Variants in KLK9 observed in about 807,000 individuals in gnomAD.
KLK9 encodes kallikrein related peptidase 9.
In KLK9, 26 loss-of-function variants were observed where a neutral mutation model predicts 23.3. That is an observed-to-expected ratio of 1.12 (90% CI 0.82 to 1.55). KLK9 has a LOEUF of 1.55. Among genes scored for constraint, KLK9 ranks in the 40% most tolerant of loss-of-function variants. KLK9 has a pLI of 0.00. For synonymous variants in KLK9, 122 were observed against 128.5 expected (o/e 0.95, Z 0.34); for missense variants, 346 against 333.7 (o/e 1.04, Z -0.29).
chr19:51,006,611 C>A lies in KLK9; in HGVS notation c.313G>T (p.Ala105Ser), dbSNP rs769326128. The change falls in exon 3 of 5, where the codon GCC becomes TCC. Residue 105 changes from alanine to serine, a missense_variant. Physicochemically the swap from Ala to Ser is moderately conservative, Grantham distance 99. Transcript: ENST00000594211. The surrounding 1 kb of genome is among the most constrained non-coding windows in gnomAD (Gnocchi z 4.1). ...ATGATGTCATCATTGTGGTCATTGG[C>A]GCTGAGGTCCTTGTTGAAGCCAGGG... ...PHPGFNKDLSANDHNDDIMLI... is the reference protein window; with the variant it reads ...PHPGFNKDLSSNDHNDDIMLI... 11 of 1,613,128 alleles carry A rather than the reference C, an allele frequency of 6.8e-6. No homozygotes were observed. In the African/African-American group the frequency reaches 1.3e-4, roughly 20 times the overall value.
rs906474166 is a variant in KLK9, at chr19:51,002,738, A to G, written c.*373T>C. 5.6e-6 allele frequency: 1 copy of G among 178,246 alleles called. No individual in the cohort carries two copies. Among genetic ancestry groups the G allele is most frequent in the African/African-American group, 2.3e-5 (1 of 42,554 alleles). The allele number at this position is 178,246 out of a possible 1,614,324, so 11.0% of individuals were successfully genotyped here. ...GATCTCTGGTGAAGGAGGCGGGGCC[A>G]CAAGGGGTGGAGTCCCGAGGGGAAG... On this transcript the variant is annotated 3_prime_UTR_variant, in exon 5 of 5. Coordinates refer to ENST00000594211, the MANE Select transcript of KLK9 (RefSeq NM_012315.2).
Position 51,003,280 on chromosome 19 carries a change from A to C in KLK9, c.604-20T>G, listed in dbSNP as rs1316170536. The C allele has an allele frequency of 1.2e-6, 2 of 1,606,680 alleles. No homozygotes were observed. Among genetic ancestry groups the C allele is most frequent in the South Asian group, 2.2e-5 (2 of 90,206 alleles). On this transcript the variant is annotated intron_variant, in intron 4 of 4. Transcript: ENST00000594211. ...GTCACCCTGTACGCGAGAGAAGGGC[A>C]GAGGAACTGTTAGGCCACTCTGTTC... is the stretch of plus-strand genomic sequence containing the variant.
At position 51,003,846 on chromosome 19, in the gene KLK9, A is replaced by G; in HGVS notation, c.467-6T>C. The G allele has an allele frequency of 6.2e-7, 1 of 1,613,338 alleles. No homozygotes were observed. Among genetic ancestry groups the G allele is most frequent in the Non-Finnish European group, 8.5e-7 (1 of 1,179,396 alleles). On this transcript the variant is annotated splice_polypyrimidine_tract_variant and splice_region_variant and intron_variant, in intron 3 of 4. Transcript: ENST00000594211. ...CAGTGTGACTGGAAACAGCGCTGTCAGGGAAGAGAACTGTCAAGGATCTGC... is the reference window on the plus strand; with the variant it reads ...CAGTGTGACTGGAAACAGCGCTGTCGGGGAAGAGAACTGTCAAGGATCTGC...
rs909220959 is a variant in KLK9 at position 51,006,955 on chromosome 19, C to T, written c.201-232G>A. Among the ~76,000 whole-genome samples the T allele has an allele frequency of 6.6e-6, 1 of 151,846 alleles. No homozygotes were observed. The highest frequency in any genetic ancestry group is 1.5e-5 in the Non-Finnish European group (1 of 67,886). ...GTTTTGTGTGTCTCCATCTTTGTAGCTCTCCCCACAAAGCCCCCGCTCCTA... is the reference window on the plus strand; with the variant it reads ...GTTTTGTGTGTCTCCATCTTTGTAGTTCTCCCCACAAAGCCCCCGCTCCTA... On this transcript the variant is annotated intron_variant, in intron 2 of 4. Coordinates refer to ENST00000594211, the MANE Select transcript of KLK9 (RefSeq NM_012315.2). The surrounding 1 kb of genome is among the most constrained non-coding windows in gnomAD (Gnocchi z 4.1).
In KLK9 at chr19:51,006,497, A is replaced by G. The variant is rs904041344; in HGVS notation, c.427T>C (p.Cys143Arg). ...SQTCVSPGMQ[C>R]LISGWGAVSS... is the part of the protein sequence containing the mutation. The stretch of plus-strand genomic sequence containing the variant: ...ACGGCCCCCCAGCCTGAGATGAGAC[A>G]CTGCATGCCTGGGGAGACACAGGTC... Residue 143 changes from cysteine to arginine, a missense_variant, in exon 3 of 5, where the codon TGT becomes CGT. By Grantham distance (180) the Cys-to-Arg change is radical. Transcript: ENST00000594211. This position sits in a 1 kb window ranked among gnomAD's most constrained non-coding sequence, Gnocchi z 4.1. 1 of 1,612,964 alleles carries G rather than the reference A, an allele frequency of 6.2e-7. No homozygotes were observed.
In KLK9 at chr19:51,006,818, C is replaced by A; in HGVS notation, c.201-95G>T. 1 of 1,328,570 alleles carries A rather than the reference C, an allele frequency of 7.5e-7. No homozygotes were observed. The highest frequency in any genetic ancestry group is 1.5e-5 in the South Asian group (1 of 65,206). 82.3% of individuals were successfully genotyped at this position (1,328,570 alleles called of 1,614,324 possible). A position where few individuals can be genotyped will look rare whatever the true frequency, so the allele number is the denominator to read the frequency against. On this transcript the variant is annotated intron_variant, in intron 2 of 4. Transcript: ENST00000594211. The surrounding 1 kb of genome is among the most constrained non-coding windows in gnomAD (Gnocchi z 4.1). ...CCTGTCCATCAGGGTGCTGTGTGACCCTCTGCAAGCCACACACCCTCTCTG... is the reference window on the plus strand; with the variant it reads ...CCTGTCCATCAGGGTGCTGTGTGACACTCTGCAAGCCACACACCCTCTCTG...
chr19:51,005,563 T>C (rs2091252211), intron 3 of KLK9, among the ~76,000 whole-genome samples: 1 of 152,052 alleles, frequency 6.6e-6, no homozygotes, highest in Non-Finnish European at 1.5e-5. Context: ...AGAGGATTCC[T>C]GCATCAGGTG....
chr19:51,005,857 TCA>T (rs2091253304), intron 3 of KLK9, among the ~76,000 whole-genome samples: 1 of 151,138 alleles, frequency 6.6e-6, no homozygotes, highest in Admixed American at 6.6e-5. Context: ...GGCGGGCAGA[TCA>T]CCAGGTCAGG....
chr19:51,009,181 A>G lies in KLK9; in HGVS notation c.200+2T>C. ...CCAGCATGGCCAGCCTGGGTCACTC[A>G]CGGCTTGCGGCAGTGGGCAGCTGTG... On this transcript the variant is annotated splice_donor_variant, in intron 2 of 4. Coordinates refer to ENST00000594211, the MANE Select transcript of KLK9 (RefSeq NM_012315.2). LOFTEE classifies it high-confidence loss of function. This position sits in a 1 kb window ranked among gnomAD's most constrained non-coding sequence, Gnocchi z 4.8. 6.2e-7 allele frequency: 1 copy of G among 1,605,824 alleles called. No homozygotes were observed. The highest frequency in any genetic ancestry group is 8.5e-7 in the Non-Finnish European group (1 of 1,178,222).
rs988703550 is a variant in KLK9, at chr19:51,006,924, T to G, written c.201-201A>C. Among the ~76,000 whole-genome samples the G allele has an allele frequency of 6.6e-6, 1 of 151,840 alleles. No individual in the cohort carries two copies. Among genetic ancestry groups the G allele is most frequent in the Non-Finnish European group, 1.5e-5 (1 of 67,876 alleles). ...CCTCCTCTGGGTCCCTGGTCCCCAC[T>G]CTGATGTTTTGTGTGTCTCCATCTT... is the stretch of plus-strand genomic sequence containing the variant. On this transcript the variant is annotated intron_variant, in intron 2 of 4. Coordinates refer to ENST00000594211, the MANE Select transcript of KLK9 (RefSeq NM_012315.2). This position sits in a 1 kb window ranked among gnomAD's most constrained non-coding sequence, Gnocchi z 4.1.
At position 51,003,853 on chromosome 19, in the gene KLK9, A is replaced by G. The variant is rs1305264726; in HGVS notation, c.467-13T>C. The G allele has an allele frequency of 1.2e-6, 2 of 1,612,586 alleles. No individual in the cohort carries two copies. Among genetic ancestry groups the G allele is most frequent in the Non-Finnish European group, 1.7e-6 (2 of 1,178,990 alleles). ...ACTGGAAACAGCGCTGTCAGGGAAG[A>G]GAACTGTCAAGGATCTGCAACTGTC... On this transcript the variant is annotated splice_polypyrimidine_tract_variant and intron_variant, in intron 3 of 4. Coordinates refer to ENST00000594211, the MANE Select transcript of KLK9 (RefSeq NM_012315.2).
chr19:51,008,682 G>A (rs1010789394), intron 2 of KLK9, among the ~76,000 whole-genome samples: 13 of 152,212 alleles, frequency 8.5e-5, no homozygotes, highest in Middle Eastern at 3.4e-3. Context: ...TCGTTCATAC[G>A]TATTTAAAAA....
rs111525769 is a variant in KLK9, at chr19:51,003,128, C to T, written c.736G>A (p.Glu246Lys). The T allele has an allele frequency of 9.9e-5, 160 of 1,609,702 alleles. No homozygotes were observed. The highest frequency in any genetic ancestry group is 1.3e-4 in the Non-Finnish European group (148 of 1,177,996). The change falls in exon 5 of 5, where the codon GAA becomes AAA. Residue 246 changes from glutamate to lysine, a missense_variant. Transcript: ENST00000594211. ...GCGCGGGCTCAGTTCTCCATGATTTCTTGGATCCAGTCAAGGTAGTGGCAT... is the reference window on the plus strand; with the variant it reads ...GCGCGGGCTCAGTTCTCCATGATTTTTTGGATCCAGTCAAGGTAGTGGCAT... ...SVCHYLDWIQ[E>K]IMEN
At position 51,003,761 on chromosome 19, in the gene KLK9, G is replaced by A. The variant is rs1330628586; in HGVS notation, c.546C>T (p.His182=). 1 of 1,613,110 alleles carries A rather than the reference G, an allele frequency of 6.2e-7. No individual in the cohort carries two copies. The highest frequency in any genetic ancestry group is 1.1e-5 in the South Asian group (1 of 91,052). ...CCGCACAGAGCATGCTGTCCGAGATGTGTCCAGGGTATGCCCAGTGACAGA... is the reference window on the plus strand; with the variant it reads ...CCGCACAGAGCATGCTGTCCGAGATATGTCCAGGGTATGCCCAGTGACAGA... ...NKLCHWAYPG[H]ISDSMLCAGL... is the part of the protein sequence containing the mutation. Residue 182 remains histidine, a synonymous_variant, in exon 4 of 5, where the codon CAC becomes CAT. Coordinates refer to ENST00000594211, the MANE Select transcript of KLK9 (RefSeq NM_012315.2).
In KLK9 at chr19:51,004,248, G is replaced by A. The variant is rs532694864; in HGVS notation, c.467-408C>T. Among the ~76,000 whole-genome samples the A allele has an allele frequency of 2.8e-5, 4 of 143,374 alleles. No homozygotes were observed. In the East Asian group the frequency reaches 6.4e-4, roughly 23 times the overall value. The allele number at this position is 143,374 out of a possible 152,430, so 94.1% of individuals were successfully genotyped here. On this transcript the variant is annotated intron_variant, in intron 3 of 4. Coordinates refer to ENST00000594211, the MANE Select transcript of KLK9 (RefSeq NM_012315.2). ...CCAGCTACTCGGGAGGCTGAGGCACGAGAATCACTTGAACCTGGGAGGTGG... is the reference window on the plus strand; with the variant it reads ...CCAGCTACTCGGGAGGCTGAGGCACAAGAATCACTTGAACCTGGGAGGTGG...
chr19:51,005,804 T>C (rs1199565853), intron 3 of KLK9, among the ~76,000 whole-genome samples: 1 of 151,662 alleles, frequency 6.6e-6, no homozygotes, highest in Non-Finnish European at 1.5e-5. Context: ...TTTGGCTGGG[T>C]GCAGTGGCTC....
At chr19:51,005,503 G>A (rs1427582988) in intron 3 of KLK9, among the ~76,000 whole-genome samples, 2 of 152,124 alleles carry the variant, frequency 1.3e-5, no homozygotes, top group African/African-American at 4.8e-5. Flanking sequence ...TATTCATGGA[G>A]GGAAGAAAAT....
rs2122364112 is a variant in KLK9, at chr19:51,006,937, G to A, written c.201-214C>T. Among the ~76,000 whole-genome samples the A allele has an allele frequency of 6.6e-6, 1 of 151,964 alleles. No homozygotes were observed. The highest frequency in any genetic ancestry group is 6.6e-5 in the Admixed American group (1 of 15,242). ...CCTGGTCCCCACTCTGATGTTTTGT[G>A]TGTCTCCATCTTTGTAGCTCTCCCC... On this transcript the variant is annotated intron_variant, in intron 2 of 4. Coordinates refer to ENST00000594211, the MANE Select transcript of KLK9 (RefSeq NM_012315.2). The surrounding 1 kb of genome is among the most constrained non-coding windows in gnomAD (Gnocchi z 4.1).
chr19:51,006,781 C>T lies in KLK9; in HGVS notation c.201-58G>A, dbSNP rs935504752. 27 of 1,481,376 alleles carry T rather than the reference C, an allele frequency of 1.8e-5. No individual in the cohort carries two copies. Among genetic ancestry groups the T allele is most frequent in the East Asian group, 2.4e-5 (1 of 41,760 alleles). 91.8% of individuals were successfully genotyped at this position (1,481,376 alleles called of 1,614,324 possible). A position where few individuals can be genotyped will look rare whatever the true frequency, so the allele number is the denominator to read the frequency against. ...GGAAAGGTAAAAGTCCTTTCAGCCC[C>T]AGCCCTCTTTTCCTGTCCATCAGGG... On this transcript the variant is annotated intron_variant, in intron 2 of 4. Coordinates refer to ENST00000594211, the MANE Select transcript of KLK9 (RefSeq NM_012315.2). This position sits in a 1 kb window ranked among gnomAD's most constrained non-coding sequence, Gnocchi z 4.1.
Sources: gnomAD v4.1 joint callset for allele counts (sites outside exome capture counted in the v4.1 genomes callset) on GRCh38, gnomAD v4.1.1 for gene constraint, Gnocchi (gnomAD v3.1) non-coding constraint, MANE v1.5 for transcripts, NCBI Gene and HGNC (gene_info 2026-07-23, HGNC 2026-07-21) for gene names.